LPCAT3: variants seen among roughly 807,000 people sequenced by gnomAD.
LPCAT3 encodes lysophospholipid acyltransferase 5.
Under a neutral mutation model 63.4 loss-of-function variants are expected in LPCAT3, and 21 were observed. That is an observed-to-expected ratio of 0.33 (90% CI 0.23 to 0.48). The LOEUF is 0.48. Ranked by LOEUF, LPCAT3 falls within the 20% of genes least tolerant of loss-of-function variation. LPCAT3 has a pLI of 0.99. For synonymous variants in LPCAT3, 242 were observed against 227.5 expected (o/e 1.06, Z -0.58); for missense variants, 451 against 590.6 (o/e 0.76, Z 2.45).
In LPCAT3 at chr12:6,979,344, T is replaced by C. The variant is rs782794744; in HGVS notation, c.786+127A>G. On this transcript the variant is annotated intron_variant, in intron 7 of 12. Coordinates refer to ENST00000261407, the MANE Select transcript of LPCAT3 (RefSeq NM_005768.6). ...ACGGCTGGCATTGACAACTCACAGATCTAGAGCAAAACCAACATGCACTTG... is the reference window on the plus strand; with the variant it reads ...ACGGCTGGCATTGACAACTCACAGACCTAGAGCAAAACCAACATGCACTTG... 8 of 716,728 alleles carry C rather than the reference T, an allele frequency of 1.1e-5. No individual in the cohort carries two copies. The African/African-American group carries it at 1.4e-4, about 13-fold the overall frequency. The allele number at this position is 716,728 out of a possible 1,614,324, so 44.4% of individuals were successfully genotyped here.
chr12:6,977,369 T>C lies in LPCAT3; in HGVS notation c.1345A>G (p.Lys449Glu), dbSNP rs111742644. Residue 449 changes from lysine (K) to glutamate (E), a missense_variant and splice_region_variant, in exon 11 of 13, where the codon AAG (lysine) becomes GAG (glutamate). Physicochemically the swap from Lys to Glu is moderately conservative, Grantham distance 56 (BLOSUM62 1). Coordinates refer to ENST00000261407, the MANE Select transcript of LPCAT3 (RefSeq NM_005768.6). The surrounding 1 kb of genome is among the most constrained non-coding windows in gnomAD (Gnocchi z 4.5). ...FCLFTWDKWLKVYKSIYFLGH... is the reference protein window; with the variant it reads ...FCLFTWDKWLEVYKSIYFLGH... ...CTCACAAGCAGGCCTTCACTTGCCT[T>C]AAGCCATTTGTCCCACGTGAAGAGG... is the stretch of plus-strand genomic sequence containing the variant. The C allele has an allele frequency of 6.2e-7, 1 of 1,614,184 alleles. No individual in the cohort carries two copies.
At chr12:6,978,122 G>A in intron 9 of LPCAT3, 1 of 587,146 alleles carries the variant, frequency 1.7e-6, no homozygotes, top group Non-Finnish European at 3.0e-6. Flanking sequence ...TAACACCCAG[G>A]TCTTAACGCA....
intron 1 of LPCAT3, among the ~76,000 whole-genome samples, chr12:7,011,873 CTCTT>C (rs1555157263): frequency 6.6e-6 from 1 of 152,104 alleles, no homozygotes; most frequent in African/African-American, 2.4e-5. Flanking sequence ...GGTCAGAAGT[CTCTT>C]TGTTTCATTA....
intron 1 of LPCAT3, among the ~76,000 whole-genome samples, chr12:7,000,778 C>G (rs1946679417): frequency 6.6e-6 from 1 of 151,484 alleles, no homozygotes; most frequent in African/African-American, 2.4e-5. Context: ...GCGATCTCGG[C>G]TCACTGCAAG....
chr12:6,988,558 T>A (rs1432501268), intron 1 of LPCAT3, among the ~76,000 whole-genome samples: 1 of 152,170 alleles, frequency 6.6e-6, no homozygotes, highest in Non-Finnish European at 1.5e-5. Context: ...TGGGAGCCAA[T>A]GCTTAATATG....
chr12:6,990,531 AAAT>A (rs1160854431), intron 1 of LPCAT3, among the ~76,000 whole-genome samples: 3 of 115,886 alleles, frequency 2.6e-5, no homozygotes, highest in African/African-American at 1.1e-4. Context: ...AAAATAAAAT[AAAT>A]AAATAAATAA....
intron 1 of LPCAT3, among the ~76,000 whole-genome samples, chr12:7,007,494 T>C (rs782113020): frequency 3.6e-3 from 366 of 102,444 alleles, no homozygotes; most frequent in African/African-American, 0.018. Flanking sequence ...TGACAAAAGC[T>C]TTTTTTTTTT....
intron 1 of LPCAT3, among the ~76,000 whole-genome samples, chr12:7,005,602 TTG>T (rs1405462341): frequency 6.6e-6 from 1 of 152,222 alleles, no homozygotes; most frequent in African/African-American, 2.4e-5. Flanking sequence ...CAACATCTGT[TTG>T]TGTGTTTTTG....
In LPCAT3 at chr12:6,987,201, T is replaced by C. The variant is rs186720340; in HGVS notation, c.152-3662A>G. ...ACCTGCGCTGTTCAAGGCTCAACTGTAATTAATTCTACAGATATCTTATGG... is the reference window on the plus strand; with the variant it reads ...ACCTGCGCTGTTCAAGGCTCAACTGCAATTAATTCTACAGATATCTTATGG... On this transcript the variant is annotated intron_variant, in intron 1 of 12. Transcript: ENST00000261407. The surrounding 1 kb of genome is among the most constrained non-coding windows in gnomAD (Gnocchi z 4.1). 7.1e-4 allele frequency among the ~76,000 whole-genome samples: 108 copies of C among 152,362 alleles called. No homozygotes were observed. The highest frequency in any genetic ancestry group is 3.7e-3 in the Admixed American group (57 of 15,304).
intron 1 of LPCAT3, among the ~76,000 whole-genome samples, chr12:6,988,807 T>C (rs1946555915): frequency 6.6e-6 from 1 of 152,134 alleles, no homozygotes; most frequent in Non-Finnish European, 1.5e-5. Flanking sequence ...TAGCACCAGA[T>C]GGGTTTGTAA....
At chr12:7,009,479 G>C (rs1341799947) in intron 1 of LPCAT3, among the ~76,000 whole-genome samples, 1 of 152,224 alleles carries the variant, frequency 6.6e-6, no homozygotes, top group East Asian at 1.9e-4. Flanking sequence ...TGGCTTGCTA[G>C]AACAGATTAC....
In LPCAT3 at chr12:6,976,515, A is replaced by G. The variant is rs1946403031; in HGVS notation, c.*389T>C. ...GGAGGCGGGTGGATCACTTGCGGTCAGGAGTTCGAGACCAGCCTGGCCAAC... is the reference window on the plus strand; with the variant it reads ...GGAGGCGGGTGGATCACTTGCGGTCGGGAGTTCGAGACCAGCCTGGCCAAC... On this transcript the variant is annotated 3_prime_UTR_variant, in exon 13 of 13. Coordinates refer to ENST00000261407, the MANE Select transcript of LPCAT3 (RefSeq NM_005768.6). 1.3e-5 allele frequency: 2 copies of G among 153,140 alleles called. No individual in the cohort carries two copies. Among genetic ancestry groups the G allele is most frequent in the African/African-American group, 4.8e-5 (2 of 41,436 alleles). The allele number at this position is 153,140 out of a possible 1,614,324, so 9.5% of individuals were successfully genotyped here.
intron 1 of LPCAT3, among the ~76,000 whole-genome samples, chr12:7,009,823 A>C (rs1303786337): frequency 6.6e-6 from 1 of 152,224 alleles, no homozygotes; most frequent in Non-Finnish European, 1.5e-5. Context: ...AGAAATAGAA[A>C]ATTTCTTTGA....
chr12:6,981,337 G>A (rs1430319953), intron 5 of LPCAT3, 155 bp from the exon 6 acceptor site: 7 of 687,258 alleles, frequency 1.0e-5, no homozygotes, highest in South Asian at 7.5e-5. Flanking sequence ...GTGGAAATGC[G>A]TATGTGTGTG....
At chr12:7,012,478 G>A (rs55675863) in intron 1 of LPCAT3, among the ~76,000 whole-genome samples, 42,507 of 152,010 alleles carry the variant, frequency 0.28, 7,792 homozygotes, top group Non-Finnish European at 0.41. Flanking sequence ...GTTTAGGTGG[G>A]GAACTGCCTG....
rs1220388563 is a variant in LPCAT3, at chr12:7,003,016, G to GA, written c.151+15257dup. ...AGAGTGAAACTCCATCTCAAAAAAA[G>GA]AAAAAAAAAATTTCTAATATTTATG... On this transcript the variant is annotated intron_variant, in intron 1 of 12. Coordinates refer to ENST00000261407, the MANE Select transcript of LPCAT3 (RefSeq NM_005768.6). Among the ~76,000 whole-genome samples, 14 of 149,116 alleles carry GA rather than the reference G, an allele frequency of 9.4e-5. 1 individual carries two copies. The highest frequency in any genetic ancestry group is 4.0e-4 in the Admixed American group (6 of 15,000).
At chr12:6,998,147 C>CT (rs1946654007) in intron 1 of LPCAT3, among the ~76,000 whole-genome samples, 1 of 152,164 alleles carries the variant, frequency 6.6e-6, no homozygotes, top group African/African-American at 2.4e-5. Context: ...CCCTGAGTAG[C>CT]TGAGACCACA....
intron 1 of LPCAT3, among the ~76,000 whole-genome samples, chr12:7,007,154 C>T (rs1233854069): frequency 1.3e-5 from 2 of 151,954 alleles, no homozygotes; most frequent in Non-Finnish European, 2.9e-5. Flanking sequence ...AGTGATTCTC[C>T]TGCCTCAGCC....
At chr12:6,990,280 C>T (rs185444195) in intron 1 of LPCAT3, among the ~76,000 whole-genome samples, 6 of 151,550 alleles carry the variant, frequency 4.0e-5, no homozygotes, top group African/African-American at 7.2e-5. Context: ...GAGGCTGAGG[C>T]GGGCGGATCA....
Sources: allele counts gnomAD v4.1 joint callset (sites outside exome capture counted in the v4.1 genomes callset), GRCh38; gene constraint gnomAD v4.1.1; non-coding constraint Gnocchi (gnomAD v3.1); transcripts MANE v1.5; gene names NCBI Gene and HGNC (gene_info 2026-07-23, HGNC 2026-07-21).